USP31: variants seen among roughly 807,000 people sequenced by gnomAD.
The protein encoded by USP31 is ubiquitin specific peptidase 31.
USP31 carries 44 observed loss-of-function variants against 119.4 expected under a neutral mutation model. The observed-to-expected ratio is 0.37, with a 90% confidence interval of 0.29 to 0.47. USP31 has a LOEUF of 0.47. Among genes scored for constraint, USP31 ranks in the 20% least tolerant of loss-of-function variants. The pLI, the probability that USP31 is intolerant of heterozygous loss-of-function variation, is 0.99. For synonymous variants in USP31, 749 were observed against 705.6 expected (o/e 1.06, Z -0.97); for missense variants, 1,643 against 1,730.2 (o/e 0.95, Z 0.89).
intron 1 of USP31, among the ~76,000 whole-genome samples, chr16:23,110,018 GAAACCTGAA>G (rs996864209): frequency 6.6e-6 from 1 of 152,092 alleles, no homozygotes; most frequent in Non-Finnish European, 1.5e-5. Context: ...ACTAACTGGG[GAAACCTGAA>G]TAAAGTATCA....
Position 23,085,738 on chromosome 16 carries a change from T to C in USP31, c.1623-76A>G, listed in dbSNP as rs1020007884. On this transcript the variant is annotated intron_variant, in intron 9 of 15. Coordinates refer to ENST00000219689, the MANE Select transcript of USP31 (RefSeq NM_020718.4). ...AATGATTTTACTTAATGTGATTATG[T>C]CCTACCCAAAATCATAATTTCAGGT... The C allele has an allele frequency of 9.7e-6, 12 of 1,236,806 alleles. No individual in the cohort carries two copies. In the African/African-American group the frequency reaches 1.7e-4, roughly 17 times the overall value. 76.6% of individuals were successfully genotyped at this position (1,236,806 alleles called of 1,614,324 possible).
At chr16:23,117,891 G>C (rs911614995) in intron 1 of USP31, among the ~76,000 whole-genome samples, 1 of 152,102 alleles carries the variant, frequency 6.6e-6, no homozygotes, top group African/African-American at 2.4e-5. Context: ...CCGGGTTCAA[G>C]CAATTCTTCT....
chr16:23,106,715 AC>A (rs1902122932), intron 2 of USP31, among the ~76,000 whole-genome samples: 2 of 152,118 alleles, frequency 1.3e-5, no homozygotes, highest in South Asian at 4.1e-4. Flanking sequence ...TCTGCACAGC[AC>A]TCAGCCGGGC....
chr16:23,144,179 T>TA (rs1348955128), intron 1 of USP31, among the ~76,000 whole-genome samples: 18 of 152,156 alleles, frequency 1.2e-4, no homozygotes, highest in Non-Finnish European at 2.6e-4. Context: ...TTGAAAAACT[T>TA]ACAAAGAAAA....
At chr16:23,134,901 C>T (rs905660297) in intron 1 of USP31, among the ~76,000 whole-genome samples, 1 of 151,518 alleles carries the variant, frequency 6.6e-6, no homozygotes, top group African/African-American at 2.4e-5. Context: ...TACACACACA[C>T]ACACACACAC....
At chr16:23,089,690 C>G (rs534914863) in intron 7 of USP31, among the ~76,000 whole-genome samples, 1 of 152,300 alleles carries the variant, frequency 6.6e-6, no homozygotes, top group South Asian at 2.1e-4. Context: ...CTTGTTAATA[C>G]TCAGGTTACA....
intron 13 of USP31, among the ~76,000 whole-genome samples, chr16:23,075,034 G>A (rs376805639): frequency 2.1e-4 from 32 of 152,276 alleles, no homozygotes; most frequent in African/African-American, 6.5e-4. Flanking sequence ...AACCATTTCC[G>A]CAAGTATGGA....
Position 23,079,926 on chromosome 16 carries a change from C to T in USP31, c.2176+20G>A, listed in dbSNP as rs749545188. 24 of 1,570,792 alleles carry T rather than the reference C, an allele frequency of 1.5e-5. No individual in the cohort carries two copies. The East Asian group carries it at 5.2e-4, about 34-fold the overall frequency. On this transcript the variant is annotated intron_variant, in intron 13 of 15. Transcript: ENST00000219689. The stretch of plus-strand genomic sequence containing the variant: ...TGAAGGACTCGCCAGCACAGACACG[C>T]AGCCTCTCACACTGCAGACCTGTGT...
chr16:23,078,407 G>C (rs900726101), intron 13 of USP31, among the ~76,000 whole-genome samples: 3 of 151,930 alleles, frequency 2.0e-5, no homozygotes, highest in African/African-American at 7.3e-5. Context: ...GGATGCAGAA[G>C]GCATGCGCCA....
intron 6 of USP31, among the ~76,000 whole-genome samples, chr16:23,096,849 G>C (rs1901634574): frequency 6.6e-6 from 1 of 152,218 alleles, no homozygotes; most frequent in Admixed American, 6.5e-5. Flanking sequence ...GCAGTGTGTA[G>C]AAGGAAATTT....
chr16:23,076,074 G>C (rs971948395), intron 13 of USP31, among the ~76,000 whole-genome samples: 3 of 152,122 alleles, frequency 2.0e-5, no homozygotes, highest in African/African-American at 4.8e-5. Flanking sequence ...GACAAAGTGA[G>C]ACCCTGTCTC....
chr16:23,069,172 G>A lies in USP31; in HGVS notation c.2933C>T (p.Pro978Leu), dbSNP rs148943431. The change falls in exon 16 of 16, where the codon CCG becomes CTG. Residue 978 changes from proline to leucine, a missense_variant. Physicochemically the swap from Pro to Leu is moderately conservative, Grantham distance 98. Transcript: ENST00000219689. ...KHSAQGDRLP[P>L]LSGPFDNNNQ... ...ATTGTTATCAAATGGACCAGAGAGCGGGGGCAGGCGGTCCCCTTGTGCTGA... is the reference window on the plus strand; with the variant it reads ...ATTGTTATCAAATGGACCAGAGAGCAGGGGCAGGCGGTCCCCTTGTGCTGA... The A allele has an allele frequency of 3.1e-5, 50 of 1,614,088 alleles. No individual in the cohort carries two copies. The highest frequency in any genetic ancestry group is 4.0e-5 in the African/African-American group (3 of 75,028).
At chr16:23,100,980 G>A (rs971176204) in intron 6 of USP31, among the ~76,000 whole-genome samples, 1 of 152,154 alleles carries the variant, frequency 6.6e-6, no homozygotes, top group Non-Finnish European at 1.5e-5. Context: ...AGAGAGACTG[G>A]AAAGAAAGGC....
At chr16:23,147,805 T>A (rs756668370) in intron 1 of USP31, among the ~76,000 whole-genome samples, 12 of 152,214 alleles carry the variant, frequency 7.9e-5, no homozygotes, top group Middle Eastern at 3.4e-3. Context: ...GGTATGGTGG[T>A]GTGTGTCTGT....
chr16:23,143,689 TCCTCCAAACAGTTTCTCAG>T (rs1464965188), intron 1 of USP31, among the ~76,000 whole-genome samples: 6 of 152,206 alleles, frequency 3.9e-5, no homozygotes, highest in African/African-American at 9.6e-5. Context: ...CTCCAAACTT[TCCTCCAAACAGTTTCTCAG>T]CCTCAGCACT....
Position 23,074,018 on chromosome 16 carries a change from T to A in USP31, c.2177-138A>T. 4.3e-6 allele frequency: 5 copies of A among 1,159,182 alleles called. No homozygotes were observed. The Admixed American group carries it at 6.7e-5, about 16-fold the overall frequency. 71.8% of individuals were successfully genotyped at this position (1,159,182 alleles called of 1,614,324 possible). On this transcript the variant is annotated intron_variant, in intron 13 of 15. Transcript: ENST00000219689. Reference sequence around the variant, plus strand: ...TGCGTATAGCAACACAGAAAGAGATTAAAAAAAAATTCTAAATTCTGTATC... The same window carrying A: ...TGCGTATAGCAACACAGAAAGAGATAAAAAAAAAATTCTAAATTCTGTATC...
At chr16:23,098,000 G>C (rs2141862387) in intron 6 of USP31, among the ~76,000 whole-genome samples, 1 of 152,236 alleles carries the variant, frequency 6.6e-6, no homozygotes. Flanking sequence ...AAGAAATAAA[G>C]GGTATTCAAT....
chr16:23,118,704 G>C (rs888942914), intron 1 of USP31, among the ~76,000 whole-genome samples: 6 of 152,118 alleles, frequency 3.9e-5, no homozygotes, highest in Admixed American at 2.0e-4. Flanking sequence ...CCAATACCTA[G>C]CAAATACAGT....
In USP31 at chr16:23,149,356, G is replaced by A; in HGVS notation, c.-86C>T. On this transcript the variant is annotated 5_prime_UTR_variant, in exon 1 of 16. Coordinates refer to ENST00000219689, the MANE Select transcript of USP31 (RefSeq NM_020718.4). ...CCGCCGCCGCATCCCGCAGCGCCGCGCCTCACCGGGCCCGGGGGCTCGACG... is the reference window on the plus strand; with the variant it reads ...CCGCCGCCGCATCCCGCAGCGCCGCACCTCACCGGGCCCGGGGGCTCGACG... The A allele has an allele frequency of 3.0e-6, 3 of 993,192 alleles. No individual in the cohort carries two copies. Among genetic ancestry groups the A allele is most frequent in the Non-Finnish European group, 3.6e-6 (3 of 836,696 alleles). The allele number at this position is 993,192 out of a possible 1,614,324, so 61.5% of individuals were successfully genotyped here.
Sources: gnomAD v4.1 joint callset for allele counts (sites outside exome capture counted in the v4.1 genomes callset) on GRCh38, gnomAD v4.1.1 for gene constraint, MANE v1.5 for transcripts, NCBI Gene and HGNC (gene_info 2026-07-23, HGNC 2026-07-21) for gene names.